TENM4: variants seen among roughly 807,000 people sequenced by gnomAD.
TENM4 encodes the protein teneurin transmembrane protein 4, also known as teneurin-4.
In TENM4, 82 loss-of-function variants were observed where a neutral mutation model predicts 243.3. The ratio of observed to expected loss-of-function variants is 0.34; its 90% CI spans 0.28 to 0.40. The LOEUF (loss-of-function observed/expected upper bound fraction) is 0.40, where lower values mean the gene tolerates loss of function less well. TENM4 is among the 10% of genes least tolerant of loss of function. The pLI is 1.00. For missense variants in TENM4, 3,138 were observed against 3,673.3 expected, an observed-to-expected ratio of 0.85 and a Z score of 3.77; for synonymous variants, 1,412 against 1,456.3, an observed-to-expected ratio of 0.97 and a Z score of 0.69.
rs1326228029 is a variant in TENM4, at chr11:78,655,102, A to G, written c.*2956T>C. On this transcript the variant is annotated 3_prime_UTR_variant, in exon 34 of 34. Coordinates refer to ENST00000278550, the MANE Select transcript of TENM4 (RefSeq NM_001098816.3). ...GGCACAGGGTTAGGCCTTCACACTC[A>G]CCCTTGCCATGGGTTTGTGACTGCT... The G allele has an allele frequency of 6.6e-6, 1 of 151,886 alleles. No homozygotes were observed. The highest frequency in any genetic ancestry group is 2.4e-5 in the African/African-American group (1 of 41,314). The allele number at this position is 151,886 out of a possible 1,614,324, so 9.4% of individuals were successfully genotyped here.
intron 6 of TENM4, among the ~76,000 whole-genome samples, chr11:79,017,731 G>A (rs1858816325): frequency 6.6e-6 from 1 of 152,168 alleles, no homozygotes; most frequent in Non-Finnish European, 1.5e-5. Flanking sequence ...CAGAAGGCAG[G>A]CAGGAAGGAA....
intron 1 of TENM4, among the ~76,000 whole-genome samples, chr11:79,350,000 T>C (rs1477588783): frequency 1.3e-5 from 2 of 152,212 alleles, no homozygotes; most frequent in Non-Finnish European, 2.9e-5. Flanking sequence ...TCTATCACAT[T>C]GCCCACCTAC....
rs370556507 is a variant in TENM4, at chr11:79,179,868, C to G, written c.-162-31062G>C. On this transcript the variant is annotated intron_variant, in intron 3 of 33. Coordinates refer to ENST00000278550, the MANE Select transcript of TENM4 (RefSeq NM_001098816.3). ...TTACAAGCATTTTTCTCATTTAAAT[C>G]AACAACCATCCGATGAAAATGGTAT... is the stretch of plus-strand genomic sequence containing the variant. Among the ~76,000 whole-genome samples, 7 of 151,728 alleles carry G rather than the reference C, an allele frequency of 4.6e-5. No individual in the cohort carries two copies. In the East Asian group the frequency reaches 1.4e-3, roughly 29 times the overall value.
chr11:78,866,796 C>T (rs1355846669), intron 9 of TENM4, among the ~76,000 whole-genome samples: 1 of 152,124 alleles, frequency 6.6e-6, no homozygotes. Context: ...GAGATTTAAC[C>T]ATTCAAAAAT....
chr11:78,850,458 C>T (rs1057362845), intron 12 of TENM4, among the ~76,000 whole-genome samples: 2 of 152,132 alleles, frequency 1.3e-5, no homozygotes, highest in African/African-American at 4.8e-5. Flanking sequence ...ATAATGACTT[C>T]ACTAAAACAA....
At chr11:78,912,531 C>T (rs1591123618) in intron 6 of TENM4, among the ~76,000 whole-genome samples, 1 of 152,198 alleles carries the variant, frequency 6.6e-6, no homozygotes, top group East Asian at 1.9e-4. Flanking sequence ...GCTGGGATTA[C>T]AGGCGTGAGC....
intron 6 of TENM4, among the ~76,000 whole-genome samples, chr11:79,046,411 T>C (rs1228642764): frequency 3.9e-5 from 6 of 152,106 alleles, no homozygotes; most frequent in Non-Finnish European, 1.5e-5. Flanking sequence ...TGGCAACTAA[T>C]GGGGTGTGCT....
At chr11:79,138,045 C>T (rs1430072157) in intron 4 of TENM4, among the ~76,000 whole-genome samples, 2 of 151,682 alleles carry the variant, frequency 1.3e-5, no homozygotes, top group African/African-American at 2.4e-5. Context: ...CTGGGAAAAG[C>T]AGACCCACAC....
chr11:79,066,694 TCGAGCACACA>T (rs1860262923), intron 5 of TENM4, among the ~76,000 whole-genome samples: 1 of 139,606 alleles, frequency 7.2e-6, no homozygotes, highest in Non-Finnish European at 1.5e-5. Context: ...GCATGCACAC[TCGAGCACACA>T]CACGCATGCA....
intron 18 of TENM4, among the ~76,000 whole-genome samples, chr11:78,763,861 T>C (rs1333310062): frequency 6.7e-6 from 1 of 148,554 alleles, no homozygotes; most frequent in East Asian, 2.0e-4. Flanking sequence ...GAAATTTGAG[T>C]GTCTTTCCCA....
At chr11:79,297,181 C>A (rs1273654851) in intron 2 of TENM4, among the ~76,000 whole-genome samples, 1 of 152,140 alleles carries the variant, frequency 6.6e-6, no homozygotes, top group South Asian at 2.1e-4. Flanking sequence ...CAGCATGGAC[C>A]AGTTTTCAAT....
chr11:78,669,639 G>A lies in TENM4; in HGVS notation c.6706C>T (p.Pro2236Ser), dbSNP rs772669808. The stretch of plus-strand genomic sequence containing the variant: ...CGGTCGCGGATGTCATACCGTAGTG[G>A]TGTGAGCCGTGCACTGTTCCCAGGG... The part of the protein sequence containing the change: ...LSPGNSARLT[P>S]LRYDIRDRIT... The change falls in exon 32 of 34, where the codon CCA becomes TCA. Residue 2236 changes from proline (P) to serine (S), a missense_variant. Pro to Ser is a moderately conservative substitution (Grantham distance 74, BLOSUM62 -1). This residue lies in a region of TENM4 where 2,467 missense variants were observed against 3,059.1 expected (regional missense o/e 0.81). Transcript: ENST00000278550. The surrounding 1 kb of genome is among the most constrained non-coding windows in gnomAD (Gnocchi z 6.4). The A allele has an allele frequency of 1.5e-5, 25 of 1,613,918 alleles. No homozygotes were observed. Among genetic ancestry groups the A allele is most frequent in the Non-Finnish European group, 1.9e-5 (23 of 1,179,916 alleles).
chr11:79,000,018 A>G (rs1347655341), intron 6 of TENM4, among the ~76,000 whole-genome samples: 1 of 152,244 alleles, frequency 6.6e-6, no homozygotes, highest in East Asian at 1.9e-4. Context: ...AAAATTGGTA[A>G]GAGAAAAATG....
In TENM4 at chr11:79,082,662, G is replaced by GC. The variant is rs530499576; in HGVS notation, c.-65-12654dup. On this transcript the variant is annotated intron_variant, in intron 4 of 33. Transcript: ENST00000278550. ...CCAAGTTCTGTGAGATGCAGTGATT[G>GC]CAAAGGCCCTTGGGGAGGTGTGACT... Among the ~76,000 whole-genome samples, 14 of 152,326 alleles carry GC rather than the reference G, an allele frequency of 9.2e-5. No homozygotes were observed. The South Asian group carries it at 2.9e-3, about 32-fold the overall frequency.
intron 6 of TENM4, among the ~76,000 whole-genome samples, chr11:79,059,688 T>C (rs1392975177): frequency 6.6e-6 from 1 of 152,212 alleles, no homozygotes; most frequent in East Asian, 1.9e-4. Context: ...ATTACTCTTA[T>C]CTCTGAACTT....
intron 6 of TENM4, among the ~76,000 whole-genome samples, chr11:78,933,981 G>A (rs1856726949): frequency 6.6e-6 from 1 of 152,060 alleles, no homozygotes; most frequent in African/African-American, 2.4e-5. Flanking sequence ...TTTCTCCTGG[G>A]GATTCTAGCA....
chr11:79,387,813 C>G (rs1236522218), intron 1 of TENM4, among the ~76,000 whole-genome samples: 3 of 152,064 alleles, frequency 2.0e-5, no homozygotes, highest in African/African-American at 7.2e-5. Flanking sequence ...GAGACCAGCC[C>G]GGGCAACATG....
At chr11:79,348,339 G>A (rs1857363315) in intron 1 of TENM4, among the ~76,000 whole-genome samples, 1 of 152,114 alleles carries the variant, frequency 6.6e-6, no homozygotes, top group Non-Finnish European at 1.5e-5. Context: ...GCCTCCCAAA[G>A]AACTTTTCCA....
intron 12 of TENM4, among the ~76,000 whole-genome samples, chr11:78,816,426 C>T (rs1857606079): frequency 6.6e-6 from 1 of 152,254 alleles, no homozygotes; most frequent in African/African-American, 2.4e-5. Context: ...CATGGGAACA[C>T]TTCCCTGCCT....
Sources: allele counts gnomAD v4.1 joint callset (sites outside exome capture counted in the v4.1 genomes callset), GRCh38; gene constraint gnomAD v4.1.1; regional missense constraint gnomAD v4.1.1; non-coding constraint Gnocchi (gnomAD v3.1); transcripts MANE v1.5; gene names NCBI Gene and HGNC (gene_info 2026-07-23, HGNC 2026-07-21).